Variants in CCDC171 observed in about 807,000 individuals in gnomAD.
The protein encoded by CCDC171 is coiled-coil domain-containing protein 171.
CCDC171 carries 177 observed loss-of-function variants against 168.2 expected under a neutral mutation model. The ratio of observed to expected loss-of-function variants is 1.05; its 90% CI spans 0.93 to 1.19. CCDC171 has a LOEUF of 1.19. CCDC171 is among the 50% of genes most tolerant of loss of function. The pLI is 0.00. For synonymous variants in CCDC171, 687 were observed against 540.8 expected (o/e 1.27, Z -3.75); for missense variants, 1,991 against 1,539.0 (o/e 1.29, Z -4.91).
chr9:15,603,412 C>T (rs1285091862), intron 6 of CCDC171, among the ~76,000 whole-genome samples: 2 of 152,132 alleles, frequency 1.3e-5, no homozygotes, highest in East Asian at 1.9e-4. Flanking sequence ...CCCTTCACTC[C>T]ACCCTTGACA....
intron 3 of CCDC171, among the ~76,000 whole-genome samples, chr9:15,997,640 TACTC>T (rs1292908105): frequency 1.3e-5 from 2 of 152,164 alleles, no homozygotes; most frequent in Admixed American, 1.3e-4. Flanking sequence ...CTATAAATGA[TACTC>T]ACTCTTCTCC....
intron 1 of CCDC171, among the ~76,000 whole-genome samples, chr9:16,052,695 G>A (rs1027626036): frequency 2.0e-5 from 3 of 152,066 alleles, no homozygotes; most frequent in African/African-American, 7.2e-5. Flanking sequence ...TATTTGATTT[G>A]TTCCATGATC....
At chr9:15,994,656 A>T (rs962928848) in intron 3 of CCDC171, among the ~76,000 whole-genome samples, 7 of 152,206 alleles carry the variant, frequency 4.6e-5, no homozygotes, top group African/African-American at 1.4e-4. Flanking sequence ...ACACTGCTCT[A>T]GTCCTTCAGT....
At chr9:15,952,496 C>G (rs568367581) in intron 25 of CCDC171, among the ~76,000 whole-genome samples, 1 of 152,222 alleles carries the variant, frequency 6.6e-6, no homozygotes, top group African/African-American at 2.4e-5. Flanking sequence ...CTGCTGGGTT[C>G]AAGTGATTCT....
At chr9:15,727,793 C>A in intron 14 of CCDC171, 76 bp from the exon 15 acceptor site, 1 of 1,084,000 alleles carries the variant, frequency 9.2e-7, no homozygotes, top group Non-Finnish European at 1.3e-6. Context: ...ATTAACTCTT[C>A]ACCATTAGTA....
the CCDC171 span, among the ~76,000 whole-genome samples, chr9:16,096,112 C>T: frequency 8.6e-5 from 13 of 151,838 alleles, no homozygotes; most frequent in African/African-American, 3.1e-4. Flanking sequence ...CAAATATCAG[C>T]GTGGAATTTA....
At chr9:16,044,990 G>A (rs1564133382) in intron 1 of CCDC171, among the ~76,000 whole-genome samples, 2 of 152,202 alleles carry the variant, frequency 1.3e-5, no homozygotes, top group African/African-American at 4.8e-5. Context: ...GTTACCTATA[G>A]TGTGTCTTAA....
rs183799544 is a variant in CCDC171, at chr9:15,989,693, A to G, written n.369-30896A>G. Among the ~76,000 whole-genome samples the G allele has an allele frequency of 5.0e-4, 74 of 147,746 alleles. 1 individual carries two copies. In the East Asian group the frequency reaches 0.01, roughly 21 times the overall value. ...AAAAACCTTGAAAAAAAGATTAGAC[A>G]AATGGCTAACTAGAATAACCAGTGT... On this transcript the variant is annotated intron_variant and non_coding_transcript_variant, in intron 3 of 9. Coordinates refer to the CCDC171 transcript ENST00000486641.
At chr9:15,570,360 C>G (rs2040127367) in intron 2 of CCDC171, among the ~76,000 whole-genome samples, 1 of 151,914 alleles carries the variant, frequency 6.6e-6, no homozygotes, top group African/African-American at 2.4e-5. Flanking sequence ...TGATATACTC[C>G]TATTTTTTTT....
intron 24 of CCDC171, among the ~76,000 whole-genome samples, chr9:15,884,163 A>G (rs1026587537): frequency 6.6e-6 from 1 of 152,136 alleles, no homozygotes; most frequent in Non-Finnish European, 1.5e-5. Context: ...TCCTAGAATC[A>G]CTATTTTCTG....
chr9:15,874,750 T>A, intron 24 of CCDC171, 87 bp downstream of exon 24: 2 of 1,275,328 alleles, frequency 1.6e-6, no homozygotes, highest in South Asian at 4.1e-5. Flanking sequence ...CTCAAAGTAT[T>A]GTGAATAATT....
chr9:15,923,536 A>G (rs962194485), intron 25 of CCDC171, among the ~76,000 whole-genome samples: 2 of 151,250 alleles, frequency 1.3e-5, no homozygotes, highest in Non-Finnish European at 3.0e-5. Context: ...TGGTCAGAGA[A>G]TATATAATTA....
intron 9 of CCDC171, among the ~76,000 whole-genome samples, chr9:15,670,613 C>G (rs1163776065): frequency 6.6e-6 from 1 of 152,096 alleles, no homozygotes; most frequent in Admixed American, 6.6e-5. Flanking sequence ...TTATATGCTT[C>G]TCCCACACCA....
At chr9:15,894,542 G>T (rs371205982) in intron 24 of CCDC171, among the ~76,000 whole-genome samples, 17 of 151,998 alleles carry the variant, frequency 1.1e-4, no homozygotes, top group African/African-American at 3.9e-4. Flanking sequence ...TTTGGCCTTG[G>T]GCTCTTCATG....
chr9:15,601,993 A>G (rs963676917), intron 6 of CCDC171, among the ~76,000 whole-genome samples: 1 of 152,204 alleles, frequency 6.6e-6, no homozygotes, highest in Non-Finnish European at 1.5e-5. Flanking sequence ...AAAAGAATTT[A>G]AAATTAGGCA....
chr9:15,658,005 T>C (rs190624034), intron 8 of CCDC171, among the ~76,000 whole-genome samples: 2 of 152,334 alleles, frequency 1.3e-5, no homozygotes, highest in Admixed American at 1.3e-4. Flanking sequence ...ACATATTGTT[T>C]ATGGGTGCTT....
intron 7 of CCDC171, among the ~76,000 whole-genome samples, chr9:15,634,572 T>G (rs370983773): frequency 6.6e-6 from 1 of 152,206 alleles, no homozygotes; most frequent in Non-Finnish European, 1.5e-5. Context: ...GTAGGGTATT[T>G]GTTTGGCTAC....
At chr9:15,697,478 T>C (rs915002322) in intron 11 of CCDC171, among the ~76,000 whole-genome samples, 19 of 152,242 alleles carry the variant, frequency 1.2e-4, no homozygotes, top group African/African-American at 4.6e-4. Context: ...CTCCTTGGGA[T>C]CTGGTTTCAT....
intron 24 of CCDC171, among the ~76,000 whole-genome samples, chr9:15,906,172 A>G (rs1197041080): frequency 6.6e-6 from 1 of 152,198 alleles, no homozygotes; most frequent in Non-Finnish European, 1.5e-5. Context: ...AACTCATTTT[A>G]TGAGGCCAGC....
Sources: gnomAD v4.1 joint callset for allele counts (sites outside exome capture counted in the v4.1 genomes callset) on GRCh38, gnomAD v4.1.1 for gene constraint, MANE v1.5 for transcripts, NCBI Gene and HGNC (gene_info 2026-07-23, HGNC 2026-07-21) for gene names.